The following STX8 variants were observed in gnomAD, a reference collection of about 807,000 sequenced individuals.
STX8 encodes syntaxin-8.
A neutral mutation model predicts 37.5 loss-of-function variants in STX8; 23 were observed. The observed-to-expected ratio is 0.61, with a 90% CI of 0.44 to 0.87. STX8 has a LOEUF of 0.87. Among genes scored for constraint, STX8 ranks in the 40% least tolerant of loss-of-function variants. STX8 has a pLI of 0.00. For missense variants in STX8, 313 were observed against 284.7 expected (o/e 1.10, Z -0.71); for synonymous variants, 115 against 99.1 (o/e 1.16, Z -0.95).
chr17:9,379,976 A>G lies in STX8; in HGVS notation c.542-1323T>C, dbSNP rs573535826. Among the ~76,000 whole-genome samples, 15 of 152,224 alleles carry G rather than the reference A, an allele frequency of 9.9e-5. 2 individuals carry two copies. The South Asian group carries it at 1.7e-3, about 17-fold the overall frequency. ...GAGAGAGACTCTGTCTCAAAAAAAA[A>G]AAGAAAAGAATCCTTGATGTGAAAT... On this transcript the variant is annotated intron_variant, in intron 6 of 7. Coordinates refer to ENST00000306357, the MANE Select transcript of STX8 (RefSeq NM_004853.3).
chr17:9,366,039 A>G (rs1180426458), intron 7 of STX8, among the ~76,000 whole-genome samples: 2 of 152,162 alleles, frequency 1.3e-5, no homozygotes, highest in African/African-American at 2.4e-5. Context: ...GCCATGGAGA[A>G]CAAAACAATC....
rs146632634 is a variant in STX8 at position 9,327,409 on chromosome 17, A to C, written c.643+51143T>G. 1.8e-4 allele frequency among the ~76,000 whole-genome samples: 28 copies of C among 152,086 alleles called. No homozygotes were observed. The East Asian group carries it at 5.2e-3, about 28-fold the overall frequency. ...GGGGGAGAGGGAGAAGGAGAAGAAG[A>C]AGAAAAAGAAGATCCAAAGACTCAG... is the stretch of plus-strand genomic sequence containing the variant. On this transcript the variant is annotated intron_variant, in intron 7 of 7. Coordinates refer to ENST00000306357, the MANE Select transcript of STX8 (RefSeq NM_004853.3).
At chr17:9,556,586 C>T (rs113195432) in intron 3 of STX8, among the ~76,000 whole-genome samples, 2,310 of 151,538 alleles carry the variant, frequency 0.015, 65 homozygotes, top group African/African-American at 0.053. Context: ...GGAGTACAGG[C>T]GTGCACCACC....
chr17:9,312,520 G>C (rs1328774152), intron 7 of STX8, among the ~76,000 whole-genome samples: 4 of 152,106 alleles, frequency 2.6e-5, no homozygotes, highest in Non-Finnish European at 5.9e-5. Flanking sequence ...CATTTTAAGG[G>C]ATATCATAAA....
intron 7 of STX8, among the ~76,000 whole-genome samples, chr17:9,299,328 T>C (rs1433175303): frequency 6.6e-6 from 1 of 152,128 alleles, no homozygotes; most frequent in African/African-American, 2.4e-5. Flanking sequence ...TGAGCCTTAC[T>C]GTGTCTGCAT....
intron 7 of STX8, among the ~76,000 whole-genome samples, chr17:9,272,609 C>T (rs1221962698): frequency 2.6e-5 from 4 of 152,240 alleles, no homozygotes; most frequent in South Asian, 2.1e-4. Context: ...AGCGCGCCAG[C>T]GAGCTAGTTT....
At chr17:9,539,879 T>TC (rs1174113975) in intron 4 of STX8, among the ~76,000 whole-genome samples, 1 of 152,156 alleles carries the variant, frequency 6.6e-6, no homozygotes, top group East Asian at 1.9e-4. Context: ...AGCTGAGCGT[T>TC]CCCTAAGAGT....
chr17:9,339,620 C>G (rs1567790111), intron 7 of STX8, among the ~76,000 whole-genome samples: 1 of 151,930 alleles, frequency 6.6e-6, no homozygotes. Flanking sequence ...CGCCACTGCG[C>G]CACTGTACTC....
At chr17:9,358,267 G>A (rs948405002) in intron 7 of STX8, among the ~76,000 whole-genome samples, 11 of 152,144 alleles carry the variant, frequency 7.2e-5, no homozygotes, top group African/African-American at 2.2e-4. Context: ...GAACTCCAGG[G>A]CTCAAGTGAT....
intron 6 of STX8, among the ~76,000 whole-genome samples, chr17:9,481,010 G>A (rs935398040): frequency 2.0e-5 from 3 of 151,862 alleles, no homozygotes; most frequent in Non-Finnish European, 2.9e-5. Flanking sequence ...TCAGCCTCCC[G>A]AGTAGCTGGA....
At chr17:9,365,739 C>G (rs145007597) in intron 7 of STX8, among the ~76,000 whole-genome samples, 1 of 152,168 alleles carries the variant, frequency 6.6e-6, no homozygotes, top group Non-Finnish European at 1.5e-5. Flanking sequence ...TTCGGGAGGC[C>G]GAGGTGGGCG....
At chr17:9,546,942 T>C (rs904496564) in intron 3 of STX8, among the ~76,000 whole-genome samples, 10 of 151,122 alleles carry the variant, frequency 6.6e-5, no homozygotes, top group African/African-American at 2.4e-4. Flanking sequence ...TGTCTATGTG[T>C]GTGGTATGTT....
intron 7 of STX8, among the ~76,000 whole-genome samples, chr17:9,334,036 G>C (rs912715309): frequency 3.9e-5 from 6 of 151,994 alleles, no homozygotes; most frequent in Non-Finnish European, 7.4e-5. Context: ...AAACAATTTG[G>C]TGGGAGGGGA....
At chr17:9,251,441 G>C (rs145622856) in intron 7 of STX8, among the ~76,000 whole-genome samples, 1 of 152,340 alleles carries the variant, frequency 6.6e-6, no homozygotes, top group Non-Finnish European at 1.5e-5. Flanking sequence ...GCGGCGACAA[G>C]GTATAGCATA....
rs139980710 is a variant in STX8, at chr17:9,425,939, A to G, written c.542-47286T>C. The stretch of plus-strand genomic sequence containing the variant: ...CTTGCACGCACGTATGCACGCGCAC[A>G]CACACACAGCTGAAACATGGCTCCA... On this transcript the variant is annotated intron_variant, in intron 6 of 7. Coordinates refer to ENST00000306357, the MANE Select transcript of STX8 (RefSeq NM_004853.3). Among the ~76,000 whole-genome samples, 17 of 152,264 alleles carry G rather than the reference A, an allele frequency of 1.1e-4. No individual in the cohort carries two copies. In the East Asian group the frequency reaches 3.3e-3, roughly 29 times the overall value.
chr17:9,382,794 T>C (rs983626565), intron 6 of STX8, among the ~76,000 whole-genome samples: 2 of 152,106 alleles, frequency 1.3e-5, no homozygotes, highest in African/African-American at 2.4e-5. Flanking sequence ...ATTTGAAAAT[T>C]AAGGAAAACA....
intron 7 of STX8, among the ~76,000 whole-genome samples, chr17:9,366,227 A>C (rs1911225109): frequency 2.0e-5 from 3 of 152,014 alleles, no homozygotes; most frequent in Admixed American, 2.0e-4. Flanking sequence ...TGCCTGTGTT[A>C]CATTTTTGTT....
intron 7 of STX8, among the ~76,000 whole-genome samples, chr17:9,333,929 G>A (rs563679561): frequency 6.6e-6 from 1 of 152,230 alleles, no homozygotes; most frequent in African/African-American, 2.4e-5. Flanking sequence ...TGGCAATAGA[G>A]AAACAGTAAT....
chr17:9,273,821 A>C (rs1165420668), intron 7 of STX8, among the ~76,000 whole-genome samples: 1 of 151,948 alleles, frequency 6.6e-6, no homozygotes, highest in Non-Finnish European at 1.5e-5. Flanking sequence ...GCTGTTTGGG[A>C]GTGGGCGTGT....
Sources: allele counts gnomAD v4.1 joint callset (sites outside exome capture counted in the v4.1 genomes callset), GRCh38; gene constraint gnomAD v4.1.1; transcripts MANE v1.5; gene names NCBI Gene and HGNC (gene_info 2026-07-23, HGNC 2026-07-21).